Variants in SLC6A16 observed in about 807,000 individuals in gnomAD.
SLC6A16 encodes the protein solute carrier family 6 member 16.
In SLC6A16, 54 loss-of-function variants were observed where a neutral mutation model predicts 65.4. The observed-to-expected ratio is 0.83, with a 90% confidence interval of 0.66 to 1.04. The LOEUF (loss-of-function observed/expected upper bound fraction) is 1.04, where lower values mean the gene tolerates loss of function less well. Among genes scored for constraint, SLC6A16 ranks in the 50% least tolerant of loss-of-function variants. The pLI is 0.00. For missense variants in SLC6A16, 816 were observed against 914.0 expected (o/e 0.89, Z 1.38); for synonymous variants, 330 against 346.5 (o/e 0.95, Z 0.53).
At position 49,293,947 on chromosome 19, in the gene SLC6A16, TA is replaced by T; in HGVS notation, c.1497del (p.Phe499LeufsTer5). 1 of 1,613,734 alleles carries T rather than the reference TA, an allele frequency of 6.2e-7. No individual in the cohort carries two copies. Among genetic ancestry groups the T allele is most frequent in the South Asian group, 1.1e-5 (1 of 91,078 alleles). Reference sequence around the variant, plus strand: ...ATGGCCAGCAACATCAGGAAGAAGATAAAAGACCAGAAGACAGACGGAGGAA... The same window carrying T: ...ATGGCCAGCAACATCAGGAAGAAGATAAAGACCAGAAGACAGACGGAGGAA... ...SFLPPSVFWSFIFFLMLLAMG... is the reference protein window; with the variant it reads ...SFLPPSVFWSXIFFLMLLAMG... On this transcript the variant is annotated frameshift_variant, in exon 9 of 12. Coordinates refer to ENST00000335875, the MANE Select transcript of SLC6A16 (RefSeq NM_014037.3). LOFTEE classifies it high-confidence loss of function.
intron 1 of SLC6A16, among the ~76,000 whole-genome samples, chr19:49,320,896 C>G (rs1443361855): frequency 1.3e-5 from 2 of 152,194 alleles, no homozygotes; most frequent in East Asian, 1.9e-4. Context: ...AAGAAAAGCT[C>G]TGGACCTGAT....
chr19:49,312,628 C>T (rs79674567), intron 1 of SLC6A16: 2 of 940,210 alleles, frequency 2.1e-6, no homozygotes, highest in African/African-American at 3.6e-5. Flanking sequence ...AAAAAAGTTA[C>T]ATGAAAGAGA....
Position 49,308,936 on chromosome 19 carries a change from G to C in SLC6A16, c.1169C>G (p.Ser390Cys). 6.2e-7 allele frequency: 1 copy of C among 1,614,188 alleles called. No individual in the cohort carries two copies. The highest frequency in any genetic ancestry group is 8.5e-7 in the Non-Finnish European group (1 of 1,180,028). Reference sequence around the variant, plus strand: ...GAAGCCCAGGACACAGAAGTTGAAAGATGTGAAAACCAACAAAGTGAGCAG... The same window carrying C: ...GAAGCCCAGGACACAGAAGTTGAAACATGTGAAAACCAACAAAGTGAGCAG... ...INLLTLLVFT[S>C]FNFCVLGFWA... is the part of the protein sequence containing the mutation. The change falls in exon 7 of 12, where the codon TCT (serine) becomes TGT (cysteine). Residue 390 changes from serine to cysteine, a missense_variant. Ser to Cys is a moderately radical substitution (Grantham distance 112, BLOSUM62 -1). Transcript: ENST00000335875.
At position 49,310,150 on chromosome 19, in the gene SLC6A16, C is replaced by A; in HGVS notation, c.590G>T (p.Gly197Val). The A allele has an allele frequency of 6.2e-7, 1 of 1,613,976 alleles. No individual in the cohort carries two copies. The highest frequency in any genetic ancestry group is 8.5e-7 in the Non-Finnish European group (1 of 1,179,984). The change falls in exon 4 of 12, where the codon GGC becomes GTC. Residue 197 changes from glycine (G) to valine (V), a missense_variant. Gly to Val is a moderately radical substitution (Grantham distance 109). Coordinates refer to ENST00000335875, the MANE Select transcript of SLC6A16 (RefSeq NM_014037.3). ...YSSFMVCFILGLYFNVVNSWI... is the reference protein window; with the variant it reads ...YSSFMVCFILVLYFNVVNSWI... ...GGAATTGACCACATTGAAGTACAGG[C>A]CGAGGATGAAGCACACCTGGGGGCC...
At chr19:49,339,560 G>C in the SLC6A16 span, 60 of 1,465,424 alleles carry the variant, frequency 4.1e-5, no homozygotes, top group Non-Finnish European at 5.3e-5. This position sits in a 1 kb window ranked among gnomAD's most constrained non-coding sequence, Gnocchi z 4.5. Flanking sequence ...ACCCAGCACC[G>C]GAGGGTGGGG....
intron 1 of SLC6A16, among the ~76,000 whole-genome samples, chr19:49,313,072 CAAAA>C (rs5828385): frequency 0.5 from 48,016 of 95,624 alleles, 10,012 homozygotes; most frequent in Admixed American, 0.6. Flanking sequence ...AACCCTGTCT[CAAAA>C]AAAAAAAAAA....
At chr19:49,306,875 G>A (rs1420446028) in intron 7 of SLC6A16, among the ~76,000 whole-genome samples, 3 of 151,706 alleles carry the variant, frequency 2.0e-5, no homozygotes, top group African/African-American at 7.3e-5. Flanking sequence ...CTATGTATGC[G>A]TATCTACTAA....
chr19:49,290,092 G>A lies in SLC6A16; in HGVS notation c.*31C>T, dbSNP rs375408220. ...AGTTGTCTATTGGATCTGTTCTAAGGGATATGTTATGTGAAGCCAAATTAA... is the reference window on the plus strand; with the variant it reads ...AGTTGTCTATTGGATCTGTTCTAAGAGATATGTTATGTGAAGCCAAATTAA... On this transcript the variant is annotated 3_prime_UTR_variant, in exon 12 of 12. Coordinates refer to ENST00000335875, the MANE Select transcript of SLC6A16 (RefSeq NM_014037.3). 24 of 1,603,406 alleles carry A rather than the reference G, an allele frequency of 1.5e-5. No homozygotes were observed. In the African/African-American group the frequency reaches 2.8e-4, roughly 19 times the overall value.
chr19:49,338,146 T>C, the SLC6A16 span: 1 of 1,474,530 alleles, frequency 6.8e-7, no homozygotes, highest in Admixed American at 2.4e-5. This position sits in a 1 kb window ranked among gnomAD's most constrained non-coding sequence, Gnocchi z 5.0. Flanking sequence ...CACACCCCAA[T>C]CCCTCCCAGG....
chr19:49,340,209 G>A, the SLC6A16 span: 3 of 1,531,216 alleles, frequency 2.0e-6, no homozygotes, highest in Non-Finnish European at 2.7e-6. Context: ...CGTCTCGCCA[G>A]CACCCCTTCG....
chr19:49,329,986 G>T (rs546708245), upstream of SLC6A16, among the ~76,000 whole-genome samples: 6 of 152,094 alleles, frequency 3.9e-5, no homozygotes, highest in East Asian at 7.7e-4. Context: ...AGGTGTGGTG[G>T]CACGCATCTG....
chr19:49,337,952 G>A, the SLC6A16 span: 1 of 1,614,100 alleles, frequency 6.2e-7, no homozygotes, highest in Admixed American at 1.7e-5. Context: ...GGACGTCGTA[G>A]AGAAAACCAT....
chr19:49,339,677 GC>G, the SLC6A16 span: 1 of 1,425,512 alleles, frequency 7.0e-7, no homozygotes, highest in Admixed American at 2.9e-5. The surrounding 1 kb of genome is among the most constrained non-coding windows in gnomAD (Gnocchi z 4.5). Flanking sequence ...ATGGTGCTGA[GC>G]GTACAGCTAC....
At chr19:49,311,979 C>T (rs1024883761) in intron 1 of SLC6A16, among the ~76,000 whole-genome samples, 11 of 149,734 alleles carry the variant, frequency 7.3e-5, no homozygotes, top group East Asian at 2.0e-4. Flanking sequence ...TGGGTTCAAG[C>T]GATTCTCCTG....
At position 49,290,389 on chromosome 19, in the gene SLC6A16, T is replaced by C. The variant is rs772590879; in HGVS notation, c.1945A>G (p.Lys649Glu). 6.8e-6 allele frequency: 11 copies of C among 1,611,376 alleles called. No homozygotes were observed. The Admixed American group carries it at 1.8e-4, about 27-fold the overall frequency. ...GGTGGGTATGGTCGAAGCACCTCTT[T>C]TGACTGTGGAGAGATGGGAAAAGGG... Reference protein sequence around the residue: ...TYMSWDSSTSKEVLRPYPPWA... With the variant: ...TYMSWDSSTSEEVLRPYPPWA... Residue 649 changes from lysine (K) to glutamate (E), a missense_variant, in exon 12 of 12, where the codon AAA becomes GAA. Lys to Glu is a moderately conservative substitution (Grantham distance 56). Coordinates refer to ENST00000335875, the MANE Select transcript of SLC6A16 (RefSeq NM_014037.3).
chr19:49,310,664 T>G (rs1970502143), intron 2 of SLC6A16, among the ~76,000 whole-genome samples, 154 bp from the exon 3 acceptor site: 1 of 152,148 alleles, frequency 6.6e-6, no homozygotes, highest in South Asian at 2.1e-4. Context: ...CGGTCCCAAG[T>G]GTCCAGTCCT....
At chr19:49,332,247 CTG>C in the SLC6A16 span, 1 of 456,726 alleles carries the variant, frequency 2.2e-6, no homozygotes, top group Non-Finnish European at 4.4e-6. Context: ...GTCTTCTCCT[CTG>C]TGTGTTTCTT....
At chr19:49,333,281 T>C in the SLC6A16 span, among the ~76,000 whole-genome samples, 52 of 152,194 alleles carry the variant, frequency 3.4e-4, no homozygotes, top group Admixed American at 2.0e-3. Flanking sequence ...GAGGTCAGCC[T>C]GGCCAACATG....
At chr19:49,298,598 G>A (rs957319434) in intron 7 of SLC6A16, among the ~76,000 whole-genome samples, 1 of 152,184 alleles carries the variant, frequency 6.6e-6, no homozygotes, top group Non-Finnish European at 1.5e-5. Flanking sequence ...CTTATACACT[G>A]TTGCTGGGAA....
Sources: gnomAD v4.1 joint callset for allele counts (sites outside exome capture counted in the v4.1 genomes callset) on GRCh38, gnomAD v4.1.1 for gene constraint, Gnocchi (gnomAD v3.1) non-coding constraint, MANE v1.5 for transcripts, NCBI Gene and HGNC (gene_info 2026-07-23, HGNC 2026-07-21) for gene names.